MTHFS: variants seen among roughly 807,000 people sequenced by gnomAD.
MTHFS encodes 5-formyltetrahydrofolate cyclo-ligase.
Under a neutral mutation model 12.7 loss-of-function variants are expected in MTHFS, and 7 were observed. The observed-to-expected ratio is 0.55, with a 90% CI of 0.31 to 1.03. The LOEUF (loss-of-function observed/expected upper bound fraction) is 1.03. Among genes scored for constraint, MTHFS ranks in the 50% least tolerant of loss-of-function variants. MTHFS has a pLI of 0.05. For synonymous variants in MTHFS, 100 were observed against 97.1 expected, an observed-to-expected ratio of 1.03 and a Z score of -0.18; for missense variants, 252 against 258.1, an observed-to-expected ratio of 0.98 and a Z score of 0.16.
At chr15:79,885,522 G>A (rs1169636872) in intron 2 of MTHFS, among the ~76,000 whole-genome samples, 1 of 152,156 alleles carries the variant, frequency 6.6e-6, no homozygotes, top group African/African-American at 2.4e-5. Flanking sequence ...AGTGGTTTGG[G>A]TAGGGCTGCC....
At chr15:79,861,473 G>T (rs1596067258) in intron 2 of MTHFS, among the ~76,000 whole-genome samples, 1 of 152,158 alleles carries the variant, frequency 6.6e-6, no homozygotes, top group East Asian at 1.9e-4. Context: ...CTCAGGGAGA[G>T]GTCAACATAC....
chr15:79,868,528 T>C (rs1446225340), intron 2 of MTHFS, among the ~76,000 whole-genome samples: 2 of 152,256 alleles, frequency 1.3e-5, no homozygotes, highest in Non-Finnish European at 2.9e-5. Context: ...ATTATTTCTA[T>C]GTGTGTCTAT....
intron 2 of MTHFS, among the ~76,000 whole-genome samples, chr15:79,878,853 C>T (rs2034244891): frequency 7.9e-6 from 1 of 125,826 alleles, no homozygotes; most frequent in African/African-American, 2.9e-5. Context: ...CACAGGAAAG[C>T]TTATTCCCTT....
intron 2 of MTHFS, among the ~76,000 whole-genome samples, chr15:79,872,499 G>A (rs1417992398): frequency 1.3e-5 from 2 of 152,232 alleles, no homozygotes; most frequent in East Asian, 3.8e-4. Flanking sequence ...GAACAGTACT[G>A]CTCCTTGCAG....
intron 2 of MTHFS, among the ~76,000 whole-genome samples, chr15:79,860,366 G>A (rs983851241): frequency 6.6e-6 from 1 of 151,134 alleles, no homozygotes; most frequent in African/African-American, 2.4e-5. Context: ...TCCAGCCTGG[G>A]CAACAGAGCG....
chr15:79,893,071 G>A (rs949692773), intron 1 of MTHFS, among the ~76,000 whole-genome samples: 4 of 152,060 alleles, frequency 2.6e-5, no homozygotes, highest in African/African-American at 9.7e-5. Context: ...CACAAATACT[G>A]CTCAGTAGAC....
intron 1 of MTHFS, among the ~76,000 whole-genome samples, chr15:79,891,702 T>C (rs1032490341): frequency 1.3e-5 from 2 of 152,142 alleles, no homozygotes; most frequent in African/African-American, 4.8e-5. Context: ...TATACTTGGC[T>C]CACACCTGTA....
chr15:79,862,230 T>C (rs1375780215), intron 2 of MTHFS, among the ~76,000 whole-genome samples: 1 of 152,198 alleles, frequency 6.6e-6, no homozygotes, highest in African/African-American at 2.4e-5. Flanking sequence ...AGCTTGCACA[T>C]AAATATGCCT....
rs1198802705 is a variant in MTHFS, at chr15:79,897,010, G to T, written c.-22C>A. On this transcript the variant is annotated 5_prime_UTR_variant, in exon 1 of 3. It adds an upstream start codon to the 5' untranslated region. Transcript: ENST00000258874. Reference sequence around the variant, plus strand: ...CCATCTCACGCCCAAGCCGAGTCCAGTCCCGCCCTCGGCGCCCTGGGCGCC... The same window carrying T: ...CCATCTCACGCCCAAGCCGAGTCCATTCCCGCCCTCGGCGCCCTGGGCGCC... 4 of 1,505,434 alleles carry T rather than the reference G, an allele frequency of 2.7e-6. No individual in the cohort carries two copies. Among genetic ancestry groups the T allele is most frequent in the Non-Finnish European group, 3.5e-6 (4 of 1,132,254 alleles). The allele number at this position is 1,505,434 out of a possible 1,614,324, so 93.3% of individuals were successfully genotyped here. A position where few individuals can be genotyped will look rare whatever the true frequency, so the allele number is the denominator to read the frequency against.
chr15:79,890,119 A>G (rs1191632337), intron 1 of MTHFS, among the ~76,000 whole-genome samples: 1 of 152,022 alleles, frequency 6.6e-6, no homozygotes, highest in African/African-American at 2.4e-5. Flanking sequence ...AGGCAGGAGA[A>G]GGTAAATGAG....
intron 1 of MTHFS, 31 bp from the exon 2 acceptor site, chr15:79,889,385 C>T: frequency 6.3e-7 from 1 of 1,585,172 alleles, no homozygotes. Context: ...ATTATATTTT[C>T]CAAGACTATA....
chr15:79,888,726 T>C (rs1453877878), intron 2 of MTHFS, among the ~76,000 whole-genome samples: 1 of 152,210 alleles, frequency 6.6e-6, no homozygotes, highest in African/African-American at 2.4e-5. Flanking sequence ...TGTACTGAGA[T>C]AAACACATGG....
At chr15:79,886,101 T>C (rs1186523572) in intron 2 of MTHFS, among the ~76,000 whole-genome samples, 1 of 152,218 alleles carries the variant, frequency 6.6e-6, no homozygotes, top group Non-Finnish European at 1.5e-5. Context: ...GAATAGCCCA[T>C]GGGAAATTTT....
intron 2 of MTHFS, among the ~76,000 whole-genome samples, chr15:79,846,396 T>C (rs144028886): frequency 6.6e-6 from 1 of 152,296 alleles, no homozygotes; most frequent in East Asian, 1.9e-4. Flanking sequence ...TATAGCTTAG[T>C]TGTGGAATAA....
chr15:79,850,698 T>C (rs1261258235), intron 2 of MTHFS, among the ~76,000 whole-genome samples: 2 of 152,120 alleles, frequency 1.3e-5, no homozygotes, highest in Non-Finnish European at 2.9e-5. Context: ...ATCTATTAGA[T>C]TTGGCAACTA....
chr15:79,871,464 A>C (rs1489164054), intron 2 of MTHFS, among the ~76,000 whole-genome samples: 1 of 152,158 alleles, frequency 6.6e-6, no homozygotes, highest in Non-Finnish European at 1.5e-5. Context: ...AATATCAAAA[A>C]TTCAATCATA....
intron 2 of MTHFS, among the ~76,000 whole-genome samples, chr15:79,861,062 G>A (rs755537094): frequency 1.5e-4 from 23 of 152,114 alleles, no homozygotes; most frequent in South Asian, 2.1e-4. Context: ...AGTCATCGTC[G>A]TCATCATCAT....
At chr15:79,861,450 G>A (rs1460260423) in intron 2 of MTHFS, among the ~76,000 whole-genome samples, 3 of 152,020 alleles carry the variant, frequency 2.0e-5, no homozygotes, top group Admixed American at 6.6e-5. Context: ...TTGTTATTTC[G>A]GCCATTCACT....
At chr15:79,877,888 A>G (rs1219905385) in intron 2 of MTHFS, 1 of 152,100 alleles carries the variant, frequency 6.6e-6, no homozygotes, top group Non-Finnish European at 1.5e-5. Flanking sequence ...ACATATGTCA[A>G]CTAAGAATTT....
Sources: gnomAD v4.1 joint callset for allele counts (sites outside exome capture counted in the v4.1 genomes callset) on GRCh38, gnomAD v4.1.1 for gene constraint, MANE v1.5 for transcripts, NCBI Gene and HGNC (gene_info 2026-07-23, HGNC 2026-07-21) for gene names.